The following RGS20 variants were observed in gnomAD, a reference collection of about 807,000 sequenced individuals.
RGS20 encodes gz-selective GTPase-activating protein.
Under a neutral mutation model 33.6 loss-of-function variants are expected in RGS20, and 30 were observed. The observed-to-expected ratio is 0.89, with a 90% CI of 0.67 to 1.21. The LOEUF is 1.21. Among genes scored for constraint, RGS20 ranks in the 50% most tolerant of loss-of-function variants. RGS20 has a pLI of 0.00. For missense variants in RGS20, 472 were observed against 502.4 expected (o/e 0.94, Z 0.58); for synonymous variants, 208 against 197.9 (o/e 1.05, Z -0.43).
At chr8:53,938,574 A>G (rs559042224) in intron 2 of RGS20, among the ~76,000 whole-genome samples, 1 of 152,204 alleles carries the variant, frequency 6.6e-6, no homozygotes, top group African/African-American at 2.4e-5. Context: ...TAATTAGAAC[A>G]AAGTCCAGCA....
chr8:53,908,338 C>A (rs1813240987), intron 2 of RGS20, among the ~76,000 whole-genome samples: 1 of 152,098 alleles, frequency 6.6e-6, no homozygotes, highest in Admixed American at 6.6e-5. Context: ...TGCCGAGCTA[C>A]TAAAACTTAT....
intron 2 of RGS20, among the ~76,000 whole-genome samples, chr8:53,894,315 A>G (rs1022299557): frequency 3.9e-5 from 6 of 152,196 alleles, no homozygotes; most frequent in African/African-American, 1.2e-4. Context: ...GACACTTCAC[A>G]CCAAGGGGGA....
intron 2 of RGS20, among the ~76,000 whole-genome samples, chr8:53,906,533 G>A (rs1472951936): frequency 6.6e-6 from 1 of 152,310 alleles, no homozygotes; most frequent in East Asian, 1.9e-4. Context: ...AAACCTAGAA[G>A]GCAGGACGAC....
In RGS20 at chr8:53,958,272, G is replaced by A; in HGVS notation, c.981G>A (p.Val327=). 1 of 1,605,792 alleles carries A rather than the reference G, an allele frequency of 6.2e-7. No homozygotes were observed. Among genetic ancestry groups the A allele is most frequent in the Non-Finnish European group, 8.5e-7 (1 of 1,175,446 alleles). Residue 327 remains valine (V), a splice_region_variant and synonymous_variant, in exon 6 of 6, where the codon GTG becomes GTA. Transcript: ENST00000297313. ...CTCCTACTCGTTTCTGTCGACAGGT[G>A]AGCTTAGACTCCCGGGTGAGAGAAG...
chr8:53,928,230 T>G (rs958685248), intron 2 of RGS20, among the ~76,000 whole-genome samples: 2 of 152,214 alleles, frequency 1.3e-5, no homozygotes, highest in African/African-American at 2.4e-5. Flanking sequence ...ATTCATGTTT[T>G]ATTAACACTT....
chr8:53,854,618 C>T (rs1487782865), intron 1 of RGS20, among the ~76,000 whole-genome samples: 6 of 151,176 alleles, frequency 4.0e-5, no homozygotes, highest in Non-Finnish European at 8.8e-5. Flanking sequence ...TGTGACAACA[C>T]CAACTGCTGG....
intron 2 of RGS20, chr8:53,881,047 G>T (rs1467755194): frequency 6.4e-7 from 1 of 1,565,144 alleles, no homozygotes; most frequent in Middle Eastern, 1.9e-4. Context: ...GAGCCGGCCG[G>T]GGCTTCCTCC....
intron 1 of RGS20, among the ~76,000 whole-genome samples, chr8:53,853,264 T>C (rs1044087536): frequency 9.9e-5 from 15 of 152,254 alleles, no homozygotes; most frequent in African/African-American, 3.6e-4. Flanking sequence ...TGTGTGTATG[T>C]ATATGCACCC....
chr8:53,958,444 T>C lies in RGS20; in HGVS notation c.1153T>C (p.Ser385Pro). Residue 385 changes from serine (S) to proline (P), a missense_variant, in exon 6 of 6, where the codon TCT (serine) becomes CCT (proline). Transcript: ENST00000297313. ...CTTGCTTCAGTCCTTATCGGAGAAA[T>C]CTATTGAAGCATAGGATTTTTCAAA... 6.0e-6 allele frequency: 9 copies of C among 1,506,176 alleles called. No individual in the cohort carries two copies. Among genetic ancestry groups the C allele is most frequent in the Middle Eastern group, 1.8e-4 (1 of 5,602 alleles). The allele number at this position is 1,506,176 out of a possible 1,614,324, so 93.3% of individuals were successfully genotyped here. A position where few individuals can be genotyped will look rare whatever the true frequency, so the allele number is the denominator to read the frequency against.
In RGS20 at chr8:53,851,873, C is replaced by T. The variant is rs1811570594; in HGVS notation, c.-27C>T. On this transcript the variant is annotated 5_prime_UTR_variant, in exon 1 of 6. Transcript: ENST00000297313. The stretch of plus-strand genomic sequence containing the variant: ...ATATTGGGAAAACCAGGCAACAGGA[C>T]TCATTTGGGGCCTTTATTGTGAAAA... 6.2e-7 allele frequency: 1 copy of T among 1,609,858 alleles called. No homozygotes were observed. The highest frequency in any genetic ancestry group is 2.2e-5 in the East Asian group (1 of 44,844).
At chr8:53,931,775 C>T (rs1347248791) in intron 2 of RGS20, among the ~76,000 whole-genome samples, 5 of 152,192 alleles carry the variant, frequency 3.3e-5, no homozygotes, top group East Asian at 3.9e-4. Context: ...TGTGGGGTGT[C>T]GCCTCACCCA....
intron 2 of RGS20, among the ~76,000 whole-genome samples, chr8:53,898,181 T>A (rs2129279715): frequency 6.6e-6 from 1 of 152,130 alleles, no homozygotes; most frequent in African/African-American, 2.4e-5. Context: ...GTGGTGGTGA[T>A]GATGATGATG....
chr8:53,954,215 T>C lies in RGS20; in HGVS notation c.883T>C (p.Cys295Arg). Residue 295 changes from cysteine to arginine, a missense_variant, in exon 5 of 6, where the codon TGT becomes CGT. By Grantham distance (180) the Cys-to-Arg change is radical. This residue lies in a region of RGS20 where 125 missense variants were observed against 169.5 expected (regional missense o/e 0.74). Transcript: ENST00000297313. ...GGAAAATATGCTCTTCTGGATGGCCTGTGAGGAACTGAAAAAGGAAGCTAA... is the reference window on the plus strand; with the variant it reads ...GGAAAATATGCTCTTCTGGATGGCCCGTGAGGAACTGAAAAAGGAAGCTAA... The C allele has an allele frequency of 1.9e-6, 3 of 1,613,974 alleles. No homozygotes were observed. The highest frequency in any genetic ancestry group is 2.5e-6 in the Non-Finnish European group (3 of 1,179,862).
intron 1 of RGS20, among the ~76,000 whole-genome samples, chr8:53,874,503 T>C (rs963537853): frequency 2.6e-5 from 4 of 152,158 alleles, no homozygotes; most frequent in African/African-American, 4.8e-5. Flanking sequence ...CTGAAATCTG[T>C]AGGGCAAGCC....
chr8:53,955,762 C>T (rs924852533), intron 5 of RGS20, among the ~76,000 whole-genome samples: 6 of 152,016 alleles, frequency 3.9e-5, no homozygotes, highest in Non-Finnish European at 7.4e-5. Flanking sequence ...ACCCGGGAGG[C>T]GGAGGTTGCA....
At position 53,951,992 on chromosome 8, in the gene RGS20, G is replaced by C. The variant is rs1585963086; in HGVS notation, c.744-2084G>C. ...AGATCGCGCCACTGCACTCCAGCCT[G>C]GGCAACAGAGTAAGACTAAAAAAAC... On this transcript the variant is annotated intron_variant, in intron 4 of 5. Transcript: ENST00000297313. Among the ~76,000 whole-genome samples, 4 of 151,298 alleles carry C rather than the reference G, an allele frequency of 2.6e-5. No individual in the cohort carries two copies. The South Asian group carries it at 8.4e-4, about 32-fold the overall frequency.
intron 2 of RGS20, among the ~76,000 whole-genome samples, chr8:53,888,427 A>AC (rs1585890097): frequency 2.0e-5 from 3 of 152,222 alleles, no homozygotes; most frequent in South Asian, 4.2e-4. Context: ...ATGTAAGTGT[A>AC]CCCCCACAGA....
intron 2 of RGS20, among the ~76,000 whole-genome samples, chr8:53,890,808 G>A (rs1003441821): frequency 6.6e-6 from 1 of 152,172 alleles, no homozygotes; most frequent in African/African-American, 2.4e-5. Flanking sequence ...TTTTACAAAT[G>A]TTTTGTAGAG....
intron 2 of RGS20, among the ~76,000 whole-genome samples, chr8:53,915,156 A>G: frequency 6.6e-6 from 1 of 151,756 alleles, no homozygotes; most frequent in Admixed American, 6.6e-5. Context: ...AAAAAAAAAA[A>G]AAAGTTCAGT....
Sources: allele counts gnomAD v4.1 joint callset (sites outside exome capture counted in the v4.1 genomes callset), GRCh38; gene constraint gnomAD v4.1.1; regional missense constraint gnomAD v4.1.1; transcripts MANE v1.5; gene names NCBI Gene and HGNC (gene_info 2026-07-23, HGNC 2026-07-21).